LRP2: variants seen among roughly 807,000 people sequenced by gnomAD.
LRP2 encodes the protein low-density lipoprotein receptor-related protein 2.
A neutral mutation model predicts 531.0 loss-of-function variants in LRP2; 172 were observed. That is an observed-to-expected ratio of 0.32 (90% CI 0.29 to 0.37). LRP2 has a LOEUF of 0.37. LRP2 is among the 10% of genes least tolerant of loss of function. The pLI, the probability that LRP2 is intolerant of heterozygous loss-of-function variation, is 1.00. For synonymous variants in LRP2, 1,992 were observed against 2,027.6 expected (o/e 0.98, Z 0.47); for missense variants, 5,167 against 5,868.3 (o/e 0.88, Z 3.90).
intron 24 of LRP2, 107 bp downstream of exon 24, chr2:169,242,848 TC>T: frequency 2.4e-6 from 2 of 832,096 alleles, no homozygotes; most frequent in East Asian, 2.4e-5. Context: ...GAGGATACTT[TC>T]CCCCAGTTTG....
intron 4 of LRP2, among the ~76,000 whole-genome samples, chr2:169,304,701 A>C (rs1480864522): frequency 6.6e-6 from 1 of 152,170 alleles, no homozygotes; most frequent in Non-Finnish European, 1.5e-5. Flanking sequence ...TAATTTCCAG[A>C]GTGAAGGTAA....
At chr2:169,133,030 T>C (rs1260363591) in intron 76 of LRP2, among the ~76,000 whole-genome samples, 1 of 152,252 alleles carries the variant, frequency 6.6e-6, no homozygotes, top group African/African-American at 2.4e-5. Context: ...TCTAGTTATA[T>C]ACTGGAAGCC....
intron 24 of LRP2, among the ~76,000 whole-genome samples, chr2:169,241,591 A>C (rs1258328580): frequency 6.6e-6 from 1 of 152,198 alleles, no homozygotes; most frequent in Non-Finnish European, 1.5e-5. Context: ...GAAGTACAGA[A>C]CGCACAACTG....
chr2:169,238,267 T>C lies in LRP2; in HGVS notation c.4330A>G (p.Asn1444Asp). Residue 1444 changes from asparagine (N) to aspartate (D), a missense_variant, in exon 27 of 79, where the codon AAC becomes GAC. This residue lies in a region of LRP2 where 2,811 missense variants were observed against 3,058.0 expected (regional missense o/e 0.92). Transcript: ENST00000649046. The stretch of plus-strand genomic sequence containing the variant: ...GTGACACTGTCGGCAATAATTTTGT[T>C]CTGACTTGCCACAAGTAACAGCAGA... ...ESLLLLVASQNKIIADSVTSQ... is the reference protein window; with the variant it reads ...ESLLLLVASQDKIIADSVTSQ... 1 of 1,614,164 alleles carries C rather than the reference T, an allele frequency of 6.2e-7. No individual in the cohort carries two copies. Among genetic ancestry groups the C allele is most frequent in the Non-Finnish European group, 8.5e-7 (1 of 1,180,008 alleles).
chr2:169,303,840 G>A (rs558017412), intron 4 of LRP2, among the ~76,000 whole-genome samples: 102 of 152,184 alleles, frequency 6.7e-4, no homozygotes, highest in African/African-American at 2.4e-3. Flanking sequence ...TATGATTCCA[G>A]AAACAGTAAG....
chr2:169,188,407 CT>C (rs1375761364), intron 48 of LRP2, 142 bp from the exon 49 acceptor site: 2 of 800,650 alleles, frequency 2.5e-6, no homozygotes, highest in African/African-American at 3.4e-5. Flanking sequence ...CCTTGATCCC[CT>C]TTCCCCCATC....
Position 169,191,965 on chromosome 2 carries a change from G to C in LRP2, c.8899C>G (p.Pro2967Ala), listed in dbSNP as rs774372815. 2 of 1,614,024 alleles carry C rather than the reference G, an allele frequency of 1.2e-6. No homozygotes were observed. Among genetic ancestry groups the C allele is most frequent in the Admixed American group, 3.3e-5 (2 of 60,004 alleles). The change falls in exon 48 of 79, where the codon CCC becomes GCC. Residue 2967 changes from proline (P) to alanine (A), a missense_variant. This residue lies in a region of LRP2 where 1,129 missense variants were observed against 1,362.7 expected (regional missense o/e 0.83). Coordinates refer to ENST00000649046, the MANE Select transcript of LRP2 (RefSeq NM_004525.3). ...TCGCCATCACAGACCCAAGACTGGG[G>C]AATGCACCTCCTGTCCGGAGGTCTG... ...NDRPPDRRCIPQSWVCDGDVD... is the reference protein window; with the variant it reads ...NDRPPDRRCIAQSWVCDGDVD...
intron 3 of LRP2, among the ~76,000 whole-genome samples, chr2:169,316,743 A>G (rs1277320673): frequency 6.6e-6 from 1 of 152,148 alleles, no homozygotes; most frequent in Non-Finnish European, 1.5e-5. Context: ...AAGTCATGAG[A>G]ATGGTGAGAC....
intron 52 of LRP2, among the ~76,000 whole-genome samples, chr2:169,179,064 C>T (rs1687326554): frequency 6.6e-6 from 1 of 151,760 alleles, no homozygotes; most frequent in African/African-American, 2.4e-5. Context: ...AGCTGGAGTA[C>T]AGTTGCACAA....
At chr2:169,175,517 C>A in intron 54 of LRP2, 128 bp from the exon 55 acceptor site, 1 of 795,842 alleles carries the variant, frequency 1.3e-6, no homozygotes, top group Non-Finnish European at 2.1e-6. Flanking sequence ...AGAAGAGGAT[C>A]AATTAAATCT....
In LRP2 at chr2:169,185,757, G is replaced by A. The variant is rs775516231; in HGVS notation, c.9591C>T (p.Ile3197=). Residue 3197 remains isoleucine (I), a synonymous_variant, in exon 50 of 79, where the codon ATC becomes ATT. Transcript: ENST00000649046. The part of the protein sequence containing the change: ...DGKTCRQNSN[I]EPYLIFSNRY... ...GGTTGCTAAAAATGAGATAGGGTTC[G>A]ATGTTACTGTTTTGCCGGCAGGTCT... The A allele has an allele frequency of 6.8e-6, 11 of 1,613,704 alleles. No homozygotes were observed. Among genetic ancestry groups the A allele is most frequent in the East Asian group, 4.5e-5 (2 of 44,862 alleles).
intron 31 of LRP2, among the ~76,000 whole-genome samples, chr2:169,231,082 G>A (rs1689380230): frequency 6.6e-6 from 1 of 152,044 alleles, no homozygotes; most frequent in African/African-American, 2.4e-5. Context: ...TGGCCTGAGG[G>A]CAGAACTTGG....
chr2:169,280,444 A>T lies in LRP2; in HGVS notation c.1247T>A (p.Ile416Asn), dbSNP rs754336807. 6.2e-7 allele frequency: 1 copy of T among 1,614,188 alleles called. No homozygotes were observed. Among genetic ancestry groups the T allele is most frequent in the East Asian group, 2.2e-5 (1 of 44,880 alleles). ...TCCACGATTCTGAGACTCCACTAGGATCCGGAAGCTCCTTCCATGAATATC... is the reference window on the plus strand; with the variant it reads ...TCCACGATTCTGAGACTCCACTAGGTTCCGGAAGCTCCTTCCATGAATATC... ...IGDIHGRSFR[I>N]LVESQNRGVA... is the part of the protein sequence containing the mutation. The change falls in exon 11 of 79, where the codon ATC (isoleucine) becomes AAC (asparagine). Residue 416 changes from isoleucine (I) to asparagine (N), a missense_variant. Around this residue, in one of 6 missense-constraint regions of LRP2, gnomAD observed 2,811 missense variants for 3,058.0 expected, o/e 0.92. Transcript: ENST00000649046.
chr2:169,321,283 G>C (rs1216958961), intron 1 of LRP2, among the ~76,000 whole-genome samples: 1 of 152,142 alleles, frequency 6.6e-6, no homozygotes, highest in Non-Finnish European at 1.5e-5. Context: ...AACAAAGGAA[G>C]TTGCAAACCT....
intron 52 of LRP2, among the ~76,000 whole-genome samples, chr2:169,181,005 C>T (rs1687409055): frequency 6.6e-6 from 1 of 152,232 alleles, no homozygotes; most frequent in South Asian, 2.1e-4. Context: ...CTGCACTGCA[C>T]TTAACCATAA....
rs769689308 is a variant in LRP2, at chr2:169,292,379, A to C, written c.653-10T>G. 2.6e-6 allele frequency: 4 copies of C among 1,549,066 alleles called. No homozygotes were observed. In the South Asian group the frequency reaches 3.3e-5, roughly 13 times the overall value. Reference sequence around the variant, plus strand: ...CCGCAGGTCGGATAGTCTGGAATAAAGCAACAGCTGCACTCCAAAGACACA... The same window carrying C: ...CCGCAGGTCGGATAGTCTGGAATAACGCAACAGCTGCACTCCAAAGACACA... On this transcript the variant is annotated splice_polypyrimidine_tract_variant and intron_variant, in intron 6 of 78. Coordinates refer to ENST00000649046, the MANE Select transcript of LRP2 (RefSeq NM_004525.3).
At position 169,294,208 on chromosome 2, in the gene LRP2, G is replaced by T. The variant is rs777216431; in HGVS notation, c.592C>A (p.Arg198Ser). 1 of 1,613,882 alleles carries T rather than the reference G, an allele frequency of 6.2e-7. No individual in the cohort carries two copies. Among genetic ancestry groups the T allele is most frequent in the Non-Finnish European group, 8.5e-7 (1 of 1,179,854 alleles). Residue 198 changes from arginine (R) to serine (S), a missense_variant, in exon 6 of 79, where the codon CGT (arginine) becomes AGT (serine). Physicochemically the swap from Arg to Ser is moderately radical, Grantham distance 110. This residue lies in a region of LRP2 where 2,811 missense variants were observed against 3,058.0 expected (regional missense o/e 0.92). Coordinates refer to ENST00000649046, the MANE Select transcript of LRP2 (RefSeq NM_004525.3). ...FSCGNGECIP[R>S]AYVCDHDNDC... is the part of the protein sequence containing the mutation. ...TTGTCATGGTCACAGACATAAGCAC[G>T]AGGGATACACTCTCCATTGCCACAT...
rs189510958 is a variant in LRP2, at chr2:169,168,801, T to C, written c.11498-125A>G. The C allele has an allele frequency of 2.5e-4, 270 of 1,074,110 alleles. No individual in the cohort carries two copies. In the East Asian group the frequency reaches 6.1e-3, roughly 24 times the overall value. The allele number at this position is 1,074,110 out of a possible 1,614,324, so 66.5% of individuals were successfully genotyped here. On this transcript the variant is annotated intron_variant, in intron 60 of 78. Transcript: ENST00000649046. ...GCTCTTCTTTATTCATCAAGATGTA[T>C]AGTGGCCTTGACCTGTCTGAAAGTT...
intron 31 of LRP2, among the ~76,000 whole-genome samples, chr2:169,229,827 G>A (rs1029190909): frequency 6.6e-6 from 1 of 152,046 alleles, no homozygotes; most frequent in African/African-American, 2.4e-5. Context: ...CATCACAGAA[G>A]CACTTCTACA....
Sources: allele counts gnomAD v4.1 joint callset (sites outside exome capture counted in the v4.1 genomes callset), GRCh38; gene constraint gnomAD v4.1.1; regional missense constraint gnomAD v4.1.1; transcripts MANE v1.5; gene names NCBI Gene and HGNC (gene_info 2026-07-23, HGNC 2026-07-21).